SPAG17: variants seen among roughly 807,000 people sequenced by gnomAD.
SPAG17 encodes the protein sperm associated antigen 17, also known as sperm-associated antigen 17.
A neutral mutation model predicts 273.6 loss-of-function variants in SPAG17; 169 were observed. That is an observed-to-expected ratio of 0.62 (90% CI 0.55 to 0.70). SPAG17 has a LOEUF of 0.70. Among genes scored for constraint, SPAG17 ranks in the 30% least tolerant of loss-of-function variants. The pLI, the probability that SPAG17 is intolerant of heterozygous loss-of-function variation, is 0.00. For synonymous variants in SPAG17, 825 were observed against 873.2 expected (o/e 0.94, Z 0.97); for missense variants, 2,557 against 2,627.8 (o/e 0.97, Z 0.59).
In SPAG17 at chr1:118,093,180, T is replaced by A; in HGVS notation, c.1149A>T (p.Val383=). 1 of 1,613,706 alleles carries A rather than the reference T, an allele frequency of 6.2e-7. No homozygotes were observed. Among genetic ancestry groups the A allele is most frequent in the Non-Finnish European group, 8.5e-7 (1 of 1,179,732 alleles). ...CCTCTGAAGTTGGCATGGCTTCTAA[T>A]ACAGGTTTCTCATTAACCACTTGTG... is the stretch of plus-strand genomic sequence containing the variant. The part of the protein sequence containing the change: ...NVPQVVNEKP[V]LEAMPTSEAP... The change falls in exon 8 of 49, where the codon GTA becomes GTT. Residue 383 remains valine (V), a synonymous_variant. Coordinates refer to ENST00000336338, the MANE Select transcript of SPAG17 (RefSeq NM_206996.4).
At chr1:118,124,660 C>A (rs1019890632) in intron 3 of SPAG17, among the ~76,000 whole-genome samples, 2 of 152,192 alleles carry the variant, frequency 1.3e-5, no homozygotes, top group Non-Finnish European at 2.9e-5. Context: ...CTGTGCTGGA[C>A]AAGGACCGTT....
intron 3 of SPAG17, among the ~76,000 whole-genome samples, chr1:118,147,298 CTA>C (rs1659063528): frequency 6.6e-6 from 1 of 152,134 alleles, no homozygotes; most frequent in Non-Finnish European, 1.5e-5. Flanking sequence ...AAACCGGCTA[CTA>C]TATAATGCAG....
intron 29 of SPAG17, among the ~76,000 whole-genome samples, chr1:118,015,122 T>C (rs1198345920): frequency 6.6e-6 from 1 of 151,590 alleles, no homozygotes; most frequent in African/African-American, 2.4e-5. Flanking sequence ...CTGTCTCTAC[T>C]AAAAATACAA....
At chr1:117,966,565 T>G (rs1571082082) in intron 47 of SPAG17, 44 bp downstream of exon 47, 1 of 1,449,596 alleles carries the variant, frequency 6.9e-7, no homozygotes. Flanking sequence ...CTCGTGTAAT[T>G]TCTGCACTAT....
At chr1:118,102,672 G>A (rs988799014) in intron 4 of SPAG17, among the ~76,000 whole-genome samples, 9 of 152,102 alleles carry the variant, frequency 5.9e-5, no homozygotes, top group Non-Finnish European at 8.8e-5. Context: ...CCAACACCCC[G>A]CTTTTCTTTC....
chr1:118,160,303 AT>A (rs1424700557), intron 1 of SPAG17, among the ~76,000 whole-genome samples: 1 of 151,996 alleles, frequency 6.6e-6, no homozygotes, highest in Non-Finnish European at 1.5e-5. Flanking sequence ...TTAAGACTTA[AT>A]GTTAGCTCAT....
rs1287155446 is a variant in SPAG17 at position 117,988,123 on chromosome 1, A to G, written c.5603T>C (p.Phe1868Ser). Residue 1868 changes from phenylalanine to serine, a missense_variant, in exon 39 of 49, where the codon TTC becomes TCC. By Grantham distance (155) the Phe-to-Ser change is radical. Transcript: ENST00000336338. ...KCPPDTFGKD[F>S]FEKTWRHTAS... ...AGCTTACCTCCATGTCTTTTCAAAGAAATCTTTACCAAATGTGTCTGGTGG... is the reference window on the plus strand; with the variant it reads ...AGCTTACCTCCATGTCTTTTCAAAGGAATCTTTACCAAATGTGTCTGGTGG... The G allele has an allele frequency of 1.2e-6, 2 of 1,606,468 alleles. No homozygotes were observed. Among genetic ancestry groups the G allele is most frequent in the South Asian group, 2.2e-5 (2 of 89,254 alleles).
At chr1:118,071,142 C>T (rs1034935200) in intron 17 of SPAG17, among the ~76,000 whole-genome samples, 1 of 151,456 alleles carries the variant, frequency 6.6e-6, no homozygotes, top group African/African-American at 2.4e-5. Flanking sequence ...TTATTGACAA[C>T]CCCCCACCCC....
intron 23 of SPAG17, among the ~76,000 whole-genome samples, chr1:118,037,511 CT>C (rs1649218995): frequency 6.6e-6 from 1 of 152,108 alleles, no homozygotes; most frequent in Non-Finnish European, 1.5e-5. Context: ...CCAACCTTCC[CT>C]CTTAAATAGG....
intron 3 of SPAG17, among the ~76,000 whole-genome samples, chr1:118,122,978 C>T (rs1156596740): frequency 1.3e-5 from 2 of 152,032 alleles, no homozygotes; most frequent in Non-Finnish European, 2.9e-5. Flanking sequence ...ACCCTTTGTC[C>T]AATCTGAAAA....
chr1:118,131,939 A>G (rs1429170565), intron 3 of SPAG17, among the ~76,000 whole-genome samples: 1 of 152,236 alleles, frequency 6.6e-6, no homozygotes, highest in Non-Finnish European at 1.5e-5. Flanking sequence ...CCATTAATTC[A>G]TCAAACTTTT....
At chr1:117,973,272 CA>C (rs1279547350) in intron 44 of SPAG17, among the ~76,000 whole-genome samples, 152 bp downstream of exon 44, 1 of 151,860 alleles carries the variant, frequency 6.6e-6, no homozygotes, top group Non-Finnish European at 1.5e-5. Context: ...TAGATACGGT[CA>C]ATAGCAGTAC....
At chr1:118,146,995 A>G (rs997724905) in intron 3 of SPAG17, among the ~76,000 whole-genome samples, 4 of 152,148 alleles carry the variant, frequency 2.6e-5, no homozygotes, top group African/African-American at 4.8e-5. Flanking sequence ...TGATAATCTC[A>G]TCTTCCTTTG....
chr1:118,029,109 G>C (rs1225200102), intron 25 of SPAG17, among the ~76,000 whole-genome samples: 1 of 152,076 alleles, frequency 6.6e-6, no homozygotes, highest in Non-Finnish European at 1.5e-5. Context: ...AATTGGCCAG[G>C]CATGATGGTA....
intron 2 of SPAG17, 62 bp downstream of exon 2, chr1:118,151,154 TTATTTTATAATTC>T: frequency 8.1e-7 from 1 of 1,235,968 alleles, no homozygotes; most frequent in Non-Finnish European, 1.1e-6. Flanking sequence ...ATATGATAGT[TTATTTTATAATTC>T]TATTCTATTA....
At chr1:117,991,298 G>A (rs1171657543) in intron 37 of SPAG17, 117 bp downstream of exon 37, 1 of 560,384 alleles carries the variant, frequency 1.8e-6, no homozygotes, top group Non-Finnish European at 3.0e-6. Context: ...AAATTATGAG[G>A]AGGGAGCAAA....
At chr1:118,088,073 A>C (rs1475897732) in intron 10 of SPAG17, among the ~76,000 whole-genome samples, 2 of 152,170 alleles carry the variant, frequency 1.3e-5, no homozygotes, top group Admixed American at 6.5e-5. Flanking sequence ...CAGAAGAGTC[A>C]CTCACTGTTT....
At position 118,041,922 on chromosome 1, in the gene SPAG17, C is replaced by A. The variant is rs764667637; in HGVS notation, c.2935G>T (p.Asp979Tyr). 1.9e-6 allele frequency: 3 copies of A among 1,613,954 alleles called. No homozygotes were observed. Among genetic ancestry groups the A allele is most frequent in the East Asian group, 4.5e-5 (2 of 44,860 alleles). The change falls in exon 21 of 49, where the codon GAT becomes TAT. Residue 979 changes from aspartate (D) to tyrosine (Y), a missense_variant. Coordinates refer to ENST00000336338, the MANE Select transcript of SPAG17 (RefSeq NM_206996.4). ...KKGKDNAEKE[D>Y]SRSLKKKSPY... is the part of the protein sequence containing the mutation. Reference sequence around the variant, plus strand: ...GATTTTTTCTTCAAAGACCTACTATCCTCTTTCTCTGCGTTATCCTTGCCT... The same window carrying A: ...GATTTTTTCTTCAAAGACCTACTATACTCTTTCTCTGCGTTATCCTTGCCT...
At chr1:118,096,430 C>T (rs781375006) in intron 7 of SPAG17, among the ~76,000 whole-genome samples, 1 of 151,898 alleles carries the variant, frequency 6.6e-6, no homozygotes, top group African/African-American at 2.4e-5. Flanking sequence ...CTTTGCCCAG[C>T]CTTTTTCAGA....
Sources: gnomAD v4.1 joint callset for allele counts (sites outside exome capture counted in the v4.1 genomes callset) on GRCh38, gnomAD v4.1.1 for gene constraint, MANE v1.5 for transcripts, NCBI Gene and HGNC (gene_info 2026-07-23, HGNC 2026-07-21) for gene names.